Variants in STAB1 observed in about 807,000 individuals in gnomAD.
STAB1 encodes the protein stabilin 1.
STAB1 carries 250 observed loss-of-function variants against 332.4 expected under a neutral mutation model. The ratio of observed to expected loss-of-function variants is 0.75; its 90% confidence interval spans 0.68 to 0.84. The LOEUF is 0.84. Among genes scored for constraint, STAB1 ranks in the 40% least tolerant of loss-of-function variants. The pLI is 0.00. For missense variants in STAB1, 3,249 were observed against 3,489.7 expected, an observed-to-expected ratio of 0.93 and a Z score of 1.74; for synonymous variants, 1,475 against 1,390.4, an observed-to-expected ratio of 1.06 and a Z score of -1.35.
In STAB1 at chr3:52,505,133, G is replaced by A; in HGVS notation, c.1508G>A (p.Gly503Glu). Residue 503 changes from glycine (G) to glutamate (E), a missense_variant, in exon 13 of 69, where the codon GGG (glycine) becomes GAG (glutamate). Physicochemically the swap from Gly to Glu is moderately conservative, Grantham distance 98 (BLOSUM62 -2). Transcript: ENST00000321725. ...TGGCAGGCCCCCTCTGGGACCCCTG[G>A]GGATCCCAAGGTGAGCCAGCATCCT... ...LRWQAPSGTPGDPKRTIGQIL... is the reference protein window; with the variant it reads ...LRWQAPSGTPEDPKRTIGQIL... 6.2e-7 allele frequency: 1 copy of A among 1,613,044 alleles called. No individual in the cohort carries two copies. Among genetic ancestry groups the A allele is most frequent in the Non-Finnish European group, 8.5e-7 (1 of 1,179,874 alleles).
Position 52,508,372 on chromosome 3 carries a change from C to A in STAB1, c.2235+13C>A. 6.2e-7 allele frequency: 1 copy of A among 1,613,180 alleles called. No homozygotes were observed. The highest frequency in any genetic ancestry group is 8.5e-7 in the Non-Finnish European group (1 of 1,179,818). On this transcript the variant is annotated intron_variant, in intron 21 of 68. Coordinates refer to ENST00000321725, the MANE Select transcript of STAB1 (RefSeq NM_015136.3). ...TGGCAAAGGCAATGTGAGTCCCATCCTCTCCTGGGGTGAGGTATGGGGAAC... is the reference window on the plus strand; with the variant it reads ...TGGCAAAGGCAATGTGAGTCCCATCATCTCCTGGGGTGAGGTATGGGGAAC...
At chr3:52,517,170 A>C in intron 42 of STAB1, 61 bp downstream of exon 42, 1 of 1,508,738 alleles carries the variant, frequency 6.6e-7, no homozygotes, top group Non-Finnish European at 8.8e-7. Flanking sequence ...CAGTGATCTG[A>C]GTCAGATTAG....
In STAB1 at chr3:52,521,931, G is replaced by C. The variant is rs148806125; in HGVS notation, c.6251G>C (p.Gly2084Ala). The C allele has an allele frequency of 8.0e-5, 129 of 1,609,184 alleles. No homozygotes were observed. Among genetic ancestry groups the C allele is most frequent in the Non-Finnish European group, 1.0e-4 (121 of 1,176,942 alleles). Reference protein sequence around the residue: ...NSCECSLGYEGDGRVCTVADL... With the variant: ...NSCECSLGYEADGRVCTVADL... ...TGTGAGTGCAGCCTGGGCTATGAAGGGGATGGCCGTGTGTGTACAGGTAAG... is the reference window on the plus strand; with the variant it reads ...TGTGAGTGCAGCCTGGGCTATGAAGCGGATGGCCGTGTGTGTACAGGTAAG... Residue 2084 changes from glycine to alanine, a missense_variant, in exon 58 of 69, where the codon GGG becomes GCG. Transcript: ENST00000321725.
Position 52,514,782 on chromosome 3 carries a change from AC to A in STAB1, c.3761del (p.Thr1254ArgfsTer20). 1 of 1,612,852 alleles carries A rather than the reference AC, an allele frequency of 6.2e-7. No homozygotes were observed. The highest frequency in any genetic ancestry group is 8.5e-7 in the Non-Finnish European group (1 of 1,179,950). On this transcript the variant is annotated frameshift_variant, in exon 35 of 69. Coordinates refer to ENST00000321725, the MANE Select transcript of STAB1 (RefSeq NM_015136.3). LOFTEE classifies it high-confidence loss of function. ...GCTGATTGGTCTGTCGGGGGTCCTG[AC>A]GGTGGGCTCAAGTCGCTGCCTGCAT... is the stretch of plus-strand genomic sequence containing the variant. ...RSLIGLSGVL[T>X]VGSSRCLHSH...
chr3:52,509,152 G>A (rs1014577312), intron 21 of STAB1, 58 bp from the exon 22 acceptor site: 63 of 1,479,802 alleles, frequency 4.3e-5, no homozygotes, highest in Admixed American at 1.3e-4. Context: ...GGTGTTGGGA[G>A]AGGGGATGTA....
Position 52,507,686 on chromosome 3 carries a change from C to T in STAB1, c.2052+11C>T. Reference sequence around the variant, plus strand: ...AACAGTGTGAAGCTGGTGAGCACACCTTGGCCCAGCTCTCAGGGCCTCCTG... The same window carrying T: ...AACAGTGTGAAGCTGGTGAGCACACTTTGGCCCAGCTCTCAGGGCCTCCTG... On this transcript the variant is annotated intron_variant, in intron 19 of 68. Coordinates refer to ENST00000321725, the MANE Select transcript of STAB1 (RefSeq NM_015136.3). 6.2e-7 allele frequency: 1 copy of T among 1,613,500 alleles called. No homozygotes were observed. Among genetic ancestry groups the T allele is most frequent in the African/African-American group, 1.3e-5 (1 of 75,068 alleles).
chr3:52,519,707 C>T (rs1481579991), intron 50 of STAB1, 143 bp downstream of exon 50: 1 of 1,312,000 alleles, frequency 7.6e-7, no homozygotes, highest in African/African-American at 1.5e-5. Context: ...TGTGCACAAG[C>T]CACATCTGTG....
Position 52,523,913 on chromosome 3 carries a change from G to A in STAB1, c.7438G>A (p.Val2480Met), listed in dbSNP as rs199804726. Reference sequence around the variant, plus strand: ...TGAAGCCCCACCTGTGGCGGCAGGCGTGGGGGCTGTGCTTGCCGCTGGAGC... The same window carrying A: ...TGAAGCCCCACCTGTGGCGGCAGGCATGGGGGCTGTGCTTGCCGCTGGAGC... Reference protein sequence around the residue: ...APEAPPVAAGVGAVLAAGALL... With the variant: ...APEAPPVAAGMGAVLAAGALL... Residue 2480 changes from valine to methionine, a missense_variant, in exon 67 of 69, where the codon GTG becomes ATG. Coordinates refer to ENST00000321725, the MANE Select transcript of STAB1 (RefSeq NM_015136.3). 6.5e-5 allele frequency: 105 copies of A among 1,608,654 alleles called. No homozygotes were observed. Among genetic ancestry groups the A allele is most frequent in the Non-Finnish European group, 6.4e-5 (76 of 1,179,654 alleles).
intron 66 of STAB1, 46 bp from the exon 67 acceptor site, chr3:52,523,825 G>C (rs184287983): frequency 8.8e-6 from 14 of 1,583,856 alleles, no homozygotes; most frequent in Non-Finnish European, 1.0e-5. Flanking sequence ...GGGGAAGGTG[G>C]TGGGACAGCT....
intron 44 of STAB1, 36 bp downstream of exon 44, chr3:52,517,660 G>A: frequency 6.2e-7 from 1 of 1,606,906 alleles, no homozygotes; most frequent in Non-Finnish European, 8.5e-7. Context: ...TCACTGACGA[G>A]AAGGAGAGGG....
Position 52,518,583 on chromosome 3 carries a change from G to A in STAB1, c.4857G>A (p.Pro1619=), listed in dbSNP as rs928469110. 3.7e-6 allele frequency: 6 copies of A among 1,602,008 alleles called. No individual in the cohort carries two copies. Among genetic ancestry groups the A allele is most frequent in the African/African-American group, 1.3e-5 (1 of 74,722 alleles). Reference sequence around the variant, plus strand: ...ATGGGCCTTTCACCATCTTCGTGCCGCACGCAGATCTAATGAGCAACCTGT... The same window carrying A: ...ATGGGCCTTTCACCATCTTCGTGCCACACGCAGATCTAATGAGCAACCTGT... ...KGDGPFTIFV[P]HADLMSNLSQ... is the part of the protein sequence containing the mutation. The change falls in exon 47 of 69, where the codon CCG becomes CCA. Residue 1619 remains proline, a synonymous_variant. Coordinates refer to ENST00000321725, the MANE Select transcript of STAB1 (RefSeq NM_015136.3).
chr3:52,515,618 C>G (rs1370823314), intron 37 of STAB1, 112 bp downstream of exon 37: 4 of 1,163,098 alleles, frequency 3.4e-6, no homozygotes. Context: ...TGGGCTGGGA[C>G]TAGGGTGAGG....
Position 52,522,436 on chromosome 3 carries a change from G to C in STAB1, c.6572G>C (p.Cys2191Ser). 1 of 1,613,174 alleles carries C rather than the reference G, an allele frequency of 6.2e-7. No individual in the cohort carries two copies. Among genetic ancestry groups the C allele is most frequent in the East Asian group, 2.2e-5 (1 of 44,884 alleles). ...CGCTGCTTGGGCCAGCCACCGCCCT[G>C]CCACTCAGATGCCATGTGCACTGAC... ...VDRCLGQPPP[C>S]HSDAMCTDLH... is the part of the protein sequence containing the mutation. Residue 2191 changes from cysteine (C) to serine (S), a missense_variant, in exon 60 of 69, where the codon TGC becomes TCC. Coordinates refer to ENST00000321725, the MANE Select transcript of STAB1 (RefSeq NM_015136.3).
At position 52,517,895 on chromosome 3, in the gene STAB1, C is replaced by A; in HGVS notation, c.4653C>A (p.Cys1551Ter). The change falls in exon 45 of 69, where the codon TGC becomes TGA. Residue 1551 changes from cysteine to a stop codon, truncating the protein, a stop_gained. Coordinates refer to ENST00000321725, the MANE Select transcript of STAB1 (RefSeq NM_015136.3). LOFTEE classifies it high-confidence loss of function. The stretch of plus-strand genomic sequence containing the variant: ...CCCTGACTCAGAACAATGGAGGATG[C>A]AGCCCATATGCCACCTGCAAAAGCA... The part of the protein sequence containing the change: ...LDPCSKNNGG[C>*]SPYATCKSTG... 6.2e-7 allele frequency: 1 copy of A among 1,611,860 alleles called. No homozygotes were observed. The highest frequency in any genetic ancestry group is 1.7e-5 in the Admixed American group (1 of 59,720).
rs1372190657 is a variant in STAB1, at chr3:52,502,711, C to T, written c.567C>T (p.Gly189=). The change falls in exon 6 of 69, where the codon GGC becomes GGT. Residue 189 remains glycine, a synonymous_variant. Coordinates refer to ENST00000321725, the MANE Select transcript of STAB1 (RefSeq NM_015136.3). The part of the protein sequence containing the change: ...GSCLCFAGYT[G]PHCDQELPVC... Reference sequence around the variant, plus strand: ...GCCTGTGCTTTGCTGGATACACTGGCCCCCACTGTGATCAAGGTGAGCAGC... The same window carrying T: ...GCCTGTGCTTTGCTGGATACACTGGTCCCCACTGTGATCAAGGTGAGCAGC... The T allele has an allele frequency of 6.2e-7, 1 of 1,613,448 alleles. No homozygotes were observed. The highest frequency in any genetic ancestry group is 8.5e-7 in the Non-Finnish European group (1 of 1,179,730).
intron 37 of STAB1, 68 bp from the exon 38 acceptor site, chr3:52,515,975 C>T: frequency 1.4e-6 from 2 of 1,480,822 alleles, no homozygotes; most frequent in Non-Finnish European, 1.8e-6. Context: ...CCGAGATGCC[C>T]CCGTTCCCCT....
chr3:52,505,952 CT>C lies in STAB1; in HGVS notation c.1749+17del, dbSNP rs756069811. 16 of 1,613,232 alleles carry C rather than the reference CT, an allele frequency of 9.9e-6. No individual in the cohort carries two copies. The highest frequency in any genetic ancestry group is 1.2e-5 in the Non-Finnish European group (14 of 1,180,008). ...CCACGGCCAGGTGCGAGGTCTTTTT[CT>C]GGGGGGCGGCCAGCTTGTACCCGGT... On this transcript the variant is annotated intron_variant, in intron 16 of 68. Transcript: ENST00000321725.
chr3:52,501,293 A>G lies in STAB1; in HGVS notation c.206A>G (p.Gln69Arg), dbSNP rs780940073. 5.0e-5 allele frequency: 81 copies of G among 1,613,138 alleles called. No homozygotes were observed. In the East Asian group the frequency reaches 1.8e-3, roughly 36 times the overall value. ...CGGGAGCTCCCGGATCAGATAACCC[A>G]GGACTGCCGGTGCGGGCCACCCCTG... Reference protein sequence around the residue: ...WLRELPDQITQDCRYEVQLGG... With the variant: ...WLRELPDQITRDCRYEVQLGG... The change falls in exon 2 of 69, where the codon CAG becomes CGG. Residue 69 changes from glutamine (Q) to arginine (R), a missense_variant. Coordinates refer to ENST00000321725, the MANE Select transcript of STAB1 (RefSeq NM_015136.3).
chr3:52,503,197 T>C, intron 7 of STAB1, 88 bp downstream of exon 7: 1 of 1,504,570 alleles, frequency 6.6e-7, no homozygotes, highest in East Asian at 2.5e-5. Flanking sequence ...TGCAATGTAA[T>C]TCACAAGGAG....
Sources: gnomAD v4.1 joint callset for allele counts on GRCh38, gnomAD v4.1.1 for gene constraint, MANE v1.5 for transcripts, NCBI Gene and HGNC (gene_info 2026-07-23, HGNC 2026-07-21) for gene names.